CYGB: variants seen among roughly 807,000 people sequenced by gnomAD.
CYGB encodes the protein histoglobin.
CYGB carries 13 observed loss-of-function variants against 20.7 expected under a neutral mutation model. The ratio of observed to expected loss-of-function variants is 0.63; its 90% confidence interval spans 0.41 to 1.00. The LOEUF is 1.00. Ranked by LOEUF, CYGB falls within the 50% of genes least tolerant of loss-of-function variation. The probability of loss-of-function intolerance (pLI) is 0.00; values close to 1 mark genes in which losing one functional copy is unlikely to be tolerated. For synonymous variants in CYGB, 93 were observed against 107.4 expected (o/e 0.87, Z 0.83); for missense variants, 218 against 257.2 (o/e 0.85, Z 1.04).
chr17:76,540,751 C>T (rs749136553), upstream of CYGB, among the ~76,000 whole-genome samples: 7 of 152,196 alleles, frequency 4.6e-5, no homozygotes, highest in Non-Finnish European at 7.3e-5. The surrounding 1 kb of genome is among the most constrained non-coding windows in gnomAD (Gnocchi z 5.0). Flanking sequence ...CTGTTTTCTG[C>T]GGTTGGGAAT....
rs1428572764 is a variant in CYGB, at chr17:76,528,711, TGCC to T, written c.540-103_540-101del. On this transcript the variant is annotated intron_variant, in intron 3 of 3. Coordinates refer to ENST00000293230, the MANE Select transcript of CYGB (RefSeq NM_134268.5). The surrounding 1 kb of genome is among the most constrained non-coding windows in gnomAD (Gnocchi z 5.8). ...CCTGGGGCTGGCGAGGCTCACTTCC[TGCC>T]AAGAGATCCGGCACAGTGCAGTTGA... is the stretch of plus-strand genomic sequence containing the variant. The T allele has an allele frequency of 2.4e-5, 28 of 1,144,792 alleles. No individual in the cohort carries two copies. Among genetic ancestry groups the T allele is most frequent in the Non-Finnish European group, 3.1e-5 (28 of 894,746 alleles). The allele number at this position is 1,144,792 out of a possible 1,614,324, so 70.9% of individuals were successfully genotyped here. A position where few individuals can be genotyped will look rare whatever the true frequency, so the allele number is the denominator to read the frequency against.
chr17:76,531,984 C>A lies in CYGB; in HGVS notation c.144-293G>T, dbSNP rs1055928749. On this transcript the variant is annotated intron_variant, in intron 1 of 3. Transcript: ENST00000293230. This position sits in a 1 kb window ranked among gnomAD's most constrained non-coding sequence, Gnocchi z 7.4. ...TTGCTTCCTTCCCAAACTCTACACC[C>A]CCTTCAAGCCCTGCTCTAGTCATAG... is the stretch of plus-strand genomic sequence containing the variant. 2 of 316,900 alleles carry A rather than the reference C, an allele frequency of 6.3e-6. No individual in the cohort carries two copies. The highest frequency in any genetic ancestry group is 9.1e-4 in the Middle Eastern group (1 of 1,096). The allele number at this position is 316,900 out of a possible 1,614,324, so 19.6% of individuals were successfully genotyped here.
chr17:76,530,919 C>T lies in CYGB; in HGVS notation c.539+60G>A, dbSNP rs974890951. 3.0e-5 allele frequency: 45 copies of T among 1,499,132 alleles called. No homozygotes were observed. Among genetic ancestry groups the T allele is most frequent in the African/African-American group, 5.6e-5 (4 of 71,326 alleles). 92.9% of individuals were successfully genotyped at this position (1,499,132 alleles called of 1,614,324 possible). On this transcript the variant is annotated intron_variant, in intron 3 of 3. Transcript: ENST00000293230. The surrounding 1 kb of genome is among the most constrained non-coding windows in gnomAD (Gnocchi z 6.1). The stretch of plus-strand genomic sequence containing the variant: ...GGGCCTCAGGAGATATGGGAGACCT[C>T]GGGGACAGCAGAGGACATGGCGGGG...
At chr17:76,539,943 A>C, upstream of CYGB, 1 of 612,528 alleles carries the variant, frequency 1.6e-6, no homozygotes, top group South Asian at 1.9e-5. Context: ...GGAGGGGAGA[A>C]CCTGGGCCCA....
rs114159737 is a variant in CYGB, at chr17:76,528,984, C to T, written c.540-373G>A. ...CTGTCCGGCCTGTCTCGTCCCTCCT[C>T]GGGCCACCCATCTGTATTCTCGTAT... On this transcript the variant is annotated intron_variant, in intron 3 of 3. Transcript: ENST00000293230. This position sits in a 1 kb window ranked among gnomAD's most constrained non-coding sequence, Gnocchi z 5.8. 4,687 of 1,017,948 alleles carry T rather than the reference C, an allele frequency of 4.6e-3. 142 individuals carry two copies. The African/African-American group carries it at 0.069, about 15-fold the overall frequency. 63.1% of individuals were successfully genotyped at this position (1,017,948 alleles called of 1,614,324 possible).
chr17:76,550,874 G>A (rs1013857734), exon 1 of CYGB: 1 of 152,224 alleles, frequency 6.6e-6, no homozygotes, highest in Non-Finnish European at 1.5e-5. Flanking sequence ...TGCGCCAGGC[G>A]CTGTGCTAAG....
chr17:76,537,281 C>T (rs1271408702), intron 1 of CYGB, 119 bp downstream of exon 1: 2 of 1,192,604 alleles, frequency 1.7e-6, no homozygotes, highest in Non-Finnish European at 2.2e-6. Context: ...GACCTCGGAC[C>T]GGCCCCATTC....
chr17:76,531,795 C>T lies in CYGB; in HGVS notation c.144-104G>A, dbSNP rs2074847999. The T allele has an allele frequency of 2.2e-6, 2 of 899,988 alleles. No individual in the cohort carries two copies. The highest frequency in any genetic ancestry group is 3.4e-6 in the Non-Finnish European group (2 of 588,174). 55.8% of individuals were successfully genotyped at this position (899,988 alleles called of 1,614,324 possible). A position where few individuals can be genotyped will look rare whatever the true frequency, so the allele number is the denominator to read the frequency against. On this transcript the variant is annotated intron_variant, in intron 1 of 3. Transcript: ENST00000293230. This position sits in a 1 kb window ranked among gnomAD's most constrained non-coding sequence, Gnocchi z 7.4. Reference sequence around the variant, plus strand: ...CTGAAGAAGTGGACCGCAGTGCTCCCCACCCCCGCACCGTCACTGTTTTCA... The same window carrying T: ...CTGAAGAAGTGGACCGCAGTGCTCCTCACCCCCGCACCGTCACTGTTTTCA...
Position 76,537,637 on chromosome 17 carries a change from G to C in CYGB, c.-95C>G. On this transcript the variant is annotated 5_prime_UTR_variant, in exon 1 of 4. Coordinates refer to ENST00000293230, the MANE Select transcript of CYGB (RefSeq NM_134268.5). ...GGCGCCGGGAGCCGGGGCCGGCTGCGTGCGCGGCGGGCGGGCGAGGGGTAG... is the reference window on the plus strand; with the variant it reads ...GGCGCCGGGAGCCGGGGCCGGCTGCCTGCGCGGCGGGCGGGCGAGGGGTAG... 2 of 969,132 alleles carry C rather than the reference G, an allele frequency of 2.1e-6. No homozygotes were observed. Among genetic ancestry groups the C allele is most frequent in the Non-Finnish European group, 2.4e-6 (2 of 817,064 alleles). The allele number at this position is 969,132 out of a possible 1,614,324, so 60.0% of individuals were successfully genotyped here.
upstream of CYGB, chr17:76,540,239 C>G (rs1165042652): frequency 9.8e-6 from 3 of 306,852 alleles, no homozygotes; most frequent in South Asian, 2.4e-5. The surrounding 1 kb of genome is among the most constrained non-coding windows in gnomAD (Gnocchi z 5.0). Flanking sequence ...CGGGCTATGG[C>G]TGGCGGTTGG....
At chr17:76,548,646 A>G (rs549368160) in intron 1 of CYGB, among the ~76,000 whole-genome samples, 1 of 152,364 alleles carries the variant, frequency 6.6e-6, no homozygotes, top group South Asian at 2.1e-4. Flanking sequence ...TGATCTCCTC[A>G]GGAAAAGAAC....
At chr17:76,550,119 C>G (rs1238419402) in intron 1 of CYGB, 1 of 151,960 alleles carries the variant, frequency 6.6e-6, no homozygotes, top group Admixed American at 6.6e-5. Context: ...CCACGCCCAG[C>G]TGATGTTTGT....
In CYGB at chr17:76,531,612, T is replaced by C; in HGVS notation, c.223A>G (p.Ser75Gly). Residue 75 changes from serine (S) to glycine (G), a missense_variant, in exon 2 of 4, where the codon AGC becomes GGC. This residue lies in a region of CYGB where 152 missense variants were observed against 149.9 expected (regional missense o/e 1.01). Coordinates refer to ENST00000293230, the MANE Select transcript of CYGB (RefSeq NM_134268.5). The surrounding 1 kb of genome is among the most constrained non-coding windows in gnomAD (Gnocchi z 7.4). ...HMEDPLEMER[S>G]PQLRKHACRV... ...CAGGCGTGCTTCCGCAGCTGGGGGCTCCGCTCCATCTCCAGGGGATCCTCC... is the reference window on the plus strand; with the variant it reads ...CAGGCGTGCTTCCGCAGCTGGGGGCCCCGCTCCATCTCCAGGGGATCCTCC... 1 of 1,613,526 alleles carries C rather than the reference T, an allele frequency of 6.2e-7. No homozygotes were observed. The highest frequency in any genetic ancestry group is 1.1e-5 in the South Asian group (1 of 91,078).
intron 1 of CYGB, 59 bp downstream of exon 1, chr17:76,537,341 T>A: frequency 3.3e-6 from 5 of 1,497,390 alleles, no homozygotes; most frequent in Non-Finnish European, 4.4e-6. Flanking sequence ...AGCCCTCCTC[T>A]GCCCGGAGCC....
At chr17:76,529,402 G>T in intron 3 of CYGB, 1 of 985,390 alleles carries the variant, frequency 1.0e-6, no homozygotes, top group Non-Finnish European at 1.2e-6. Flanking sequence ...GACTTCGGCC[G>T]TTTCAAAATG....
Position 76,527,687 on chromosome 17 carries a change from C to G in CYGB, c.*891G>C, listed in dbSNP as rs779267927. ...CCAGGCATGTGGTCCCGCCGACCTG[C>G]TGCCCAGCAGCCCGGATCCCCCGGG... On this transcript the variant is annotated 3_prime_UTR_variant, in exon 4 of 4. Transcript: ENST00000293230. 1 of 454,028 alleles carries G rather than the reference C, an allele frequency of 2.2e-6. No individual in the cohort carries two copies. 28.1% of individuals were successfully genotyped at this position (454,028 alleles called of 1,614,324 possible).
chr17:76,533,960 G>A lies in CYGB; in HGVS notation c.144-2269C>T, dbSNP rs564578656. 4.1e-4 allele frequency among the ~76,000 whole-genome samples: 63 copies of A among 151,960 alleles called. 2 individuals carry two copies. In the South Asian group the frequency reaches 6.9e-3, roughly 17 times the overall value. On this transcript the variant is annotated intron_variant, in intron 1 of 3. Transcript: ENST00000293230. This position sits in a 1 kb window ranked among gnomAD's most constrained non-coding sequence, Gnocchi z 4.5. ...GCAGGAAGATCCGATCGCATCACGA[G>A]CCCAGGATTGGAGGCTGCCATGAGC...
upstream of CYGB, chr17:76,542,593 G>A (rs1273046653): frequency 6.2e-7 from 1 of 1,614,002 alleles, no homozygotes; most frequent in African/African-American, 1.3e-5. Flanking sequence ...CTCTGCAGGT[G>A]GGGCTCAGGC....
chr17:76,546,576 C>T lies in CYGB; in HGVS notation c.-53+4286G>A, dbSNP rs1045043252. 2.6e-5 allele frequency: 4 copies of T among 152,030 alleles called. No individual in the cohort carries two copies. Among genetic ancestry groups the T allele is most frequent in the Admixed American group, 6.6e-5 (1 of 15,264 alleles). 9.4% of individuals were successfully genotyped at this position (152,030 alleles called of 1,614,324 possible). ...ACAGGCACAATGGCGAGAGAGCAAA[C>T]CCTGCTGGTTCCTCAGGCTCCCGTA... On this transcript the variant is annotated intron_variant, in intron 1 of 3. Transcript: ENST00000589145. This position sits in a 1 kb window ranked among gnomAD's most constrained non-coding sequence, Gnocchi z 4.5.
Sources: allele counts gnomAD v4.1 joint callset (sites outside exome capture counted in the v4.1 genomes callset), GRCh38; gene constraint gnomAD v4.1.1; regional missense constraint gnomAD v4.1.1; non-coding constraint Gnocchi (gnomAD v3.1); transcripts MANE v1.5; gene names NCBI Gene and HGNC (gene_info 2026-07-23, HGNC 2026-07-21).